The following PLEKHD1 variants were observed in gnomAD, a reference collection of about 807,000 sequenced individuals.
The protein encoded by PLEKHD1 is pleckstrin homology domain-containing family D member 1.
Under a neutral mutation model 69.2 loss-of-function variants are expected in PLEKHD1, and 51 were observed. The ratio of observed to expected loss-of-function variants is 0.74; its 90% CI spans 0.59 to 0.93. PLEKHD1 has a LOEUF of 0.93. Ranked by LOEUF, PLEKHD1 falls within the 40% of genes least tolerant of loss-of-function variation. PLEKHD1 has a pLI of 0.00. For missense variants in PLEKHD1, 584 were observed against 641.0 expected (o/e 0.91, Z 0.96); for synonymous variants, 236 against 244.7 (o/e 0.96, Z 0.33).
rs920962082 is a variant in PLEKHD1, at chr14:69,484,826, G to A, written c.-140G>A. ...CGTCCAGTGCCCAGCGCGCTTTGAT[G>A]CTGCAGCTCCGGGCCGGGCCGCTCT... On this transcript the variant is annotated 5_prime_UTR_variant, in exon 1 of 13. It removes an upstream start codon present in the reference 5' UTR. Transcript: ENST00000322564. The A allele has an allele frequency of 6.8e-6, 7 of 1,025,388 alleles. No individual in the cohort carries two copies. Among genetic ancestry groups the A allele is most frequent in the Admixed American group, 5.7e-5 (2 of 35,242 alleles). The allele number at this position is 1,025,388 out of a possible 1,614,324, so 63.5% of individuals were successfully genotyped here.
intron 6 of PLEKHD1, among the ~76,000 whole-genome samples, chr14:69,505,423 C>T (rs540816816): frequency 6.6e-6 from 1 of 152,308 alleles, no homozygotes; most frequent in African/African-American, 2.4e-5. Flanking sequence ...TGCCTTGAGC[C>T]GCTGAGGCAA....
intron 1 of PLEKHD1, among the ~76,000 whole-genome samples, chr14:69,491,491 C>A (rs1882775995): frequency 6.6e-6 from 1 of 152,136 alleles, no homozygotes; most frequent in Non-Finnish European, 1.5e-5. Flanking sequence ...CAGGATTTTC[C>A]CCAAATTCAA....
chr14:69,509,063 C>T (rs1030784684), intron 6 of PLEKHD1, among the ~76,000 whole-genome samples: 2 of 152,200 alleles, frequency 1.3e-5, no homozygotes, highest in South Asian at 2.1e-4. Context: ...TGGGGTCTTG[C>T]TCTGTTGCCC....
intron 7 of PLEKHD1, among the ~76,000 whole-genome samples, 176 bp downstream of exon 7, chr14:69,522,553 G>C (rs368404430): frequency 1.3e-5 from 2 of 152,202 alleles, no homozygotes; most frequent in East Asian, 3.9e-4. Flanking sequence ...AGTGTTCCCA[G>C]AAGAATCTGT....
At chr14:69,501,673 T>C (rs1883027132) in intron 4 of PLEKHD1, 61 bp from the exon 5 acceptor site, 3 of 1,318,434 alleles carry the variant, frequency 2.3e-6, no homozygotes, top group Non-Finnish European at 3.2e-6. Context: ...TACCCTTCTG[T>C]TTTAATGATT....
chr14:69,480,654 T>C (rs1212695927), upstream of PLEKHD1, among the ~76,000 whole-genome samples: 1 of 146,162 alleles, frequency 6.8e-6, no homozygotes, highest in Non-Finnish European at 1.5e-5. Context: ...GTATAAGATT[T>C]TTTTTTTTCT....
At chr14:69,491,889 G>C (rs1882784195) in intron 1 of PLEKHD1, among the ~76,000 whole-genome samples, 1 of 152,154 alleles carries the variant, frequency 6.6e-6, no homozygotes, top group Non-Finnish European at 1.5e-5. Flanking sequence ...CCCAGTTCCT[G>C]CTCACTCTGC....
At chr14:69,526,622 A>T in intron 9 of PLEKHD1, 75 bp from the exon 10 acceptor site, 4 of 1,420,998 alleles carry the variant, frequency 2.8e-6, no homozygotes, top group South Asian at 1.6e-5. Context: ...CCAGGTCTCT[A>T]AGAGGAGCTG....
At chr14:69,526,905 G>C (rs865779541) in intron 10 of PLEKHD1, 76 bp downstream of exon 10, 2 of 1,445,526 alleles carry the variant, frequency 1.4e-6, no homozygotes, top group Non-Finnish European at 1.8e-6. Context: ...ACTTTACCGG[G>C]TAGCTGCATG....
At chr14:69,484,644 A>C, upstream of PLEKHD1, 1 of 238,102 alleles carries the variant, frequency 4.2e-6, no homozygotes, top group Non-Finnish European at 8.1e-6. Flanking sequence ...GGCCACCAGA[A>C]TTGGGGCTGT....
At chr14:69,506,756 T>A (rs1161960947) in intron 6 of PLEKHD1, among the ~76,000 whole-genome samples, 2 of 152,150 alleles carry the variant, frequency 1.3e-5, no homozygotes, top group Non-Finnish European at 2.9e-5. Flanking sequence ...TACATTAGGG[T>A]TCACTCTTGG....
chr14:69,507,755 C>T (rs1449855020), intron 6 of PLEKHD1, among the ~76,000 whole-genome samples: 4 of 152,150 alleles, frequency 2.6e-5, no homozygotes, highest in African/African-American at 9.7e-5. Context: ...CTCTGTTGCC[C>T]AGACTGGAGT....
At chr14:69,485,252 G>T (rs1882630091) in intron 1 of PLEKHD1, 138 bp downstream of exon 1, 5 of 1,073,128 alleles carry the variant, frequency 4.7e-6, no homozygotes, top group South Asian at 1.6e-5. Flanking sequence ...CTCTACACTG[G>T]CTCCCGCAGG....
Position 69,501,388 on chromosome 14 carries a change from A to G in PLEKHD1, c.411-346A>G, listed in dbSNP as rs1883021327. On this transcript the variant is annotated intron_variant, in intron 4 of 12. Transcript: ENST00000322564. ...CTAGGTCATGCTTTTAGTTCCAAAA[A>G]CACCGACCGTGTGCTCTGTGGCAGG... 12 of 309,204 alleles carry G rather than the reference A, an allele frequency of 3.9e-5. No individual in the cohort carries two copies. The South Asian group carries it at 5.7e-4, about 15-fold the overall frequency. 19.2% of individuals were successfully genotyped at this position (309,204 alleles called of 1,614,324 possible). A position where few individuals can be genotyped will look rare whatever the true frequency, so the allele number is the denominator to read the frequency against.
At chr14:69,505,339 T>G (rs1883126838) in intron 6 of PLEKHD1, among the ~76,000 whole-genome samples, 1 of 152,204 alleles carries the variant, frequency 6.6e-6, no homozygotes, top group Non-Finnish European at 1.5e-5. Flanking sequence ...TCCTTAACTT[T>G]CTCATGCATA....
At chr14:69,502,941 GGGAATGA>G in intron 6 of PLEKHD1, 62 bp downstream of exon 6, 1 of 1,536,548 alleles carries the variant, frequency 6.5e-7, no homozygotes, top group Non-Finnish European at 8.8e-7. Flanking sequence ...TCTAGCACTA[GGGAATGA>G]TGCAGGGGAG....
the PLEKHD1 span, among the ~76,000 whole-genome samples, chr14:69,473,090 T>C: frequency 6.6e-6 from 1 of 152,142 alleles, no homozygotes; most frequent in African/African-American, 2.4e-5. Flanking sequence ...TGATTCTACA[T>C]TATGGTGAGT....
Position 69,527,850 on chromosome 14 carries a change from C to T in PLEKHD1, c.1269C>T (p.Ser423=), listed in dbSNP as rs72723867. The change falls in exon 12 of 13, where the codon TCC becomes TCT. Residue 423 remains serine (S), a synonymous_variant. Coordinates refer to ENST00000322564, the MANE Select transcript of PLEKHD1 (RefSeq NM_001161498.2). Reference sequence around the variant, plus strand: ...AGATGCCTGTGATCATGAAGAACTCCGTGTACATCCATAAGGCAGCCACTC... The same window carrying T: ...AGATGCCTGTGATCATGAAGAACTCTGTGTACATCCATAAGGCAGCCACTC... ...EAKMPVIMKN[S]VYIHKAATRR... is the part of the protein sequence containing the mutation. The T allele has an allele frequency of 7.2e-5, 112 of 1,551,464 alleles. No homozygotes were observed. The highest frequency in any genetic ancestry group is 3.0e-4 in the African/African-American group (22 of 73,170).
At chr14:69,501,070 G>C in intron 4 of PLEKHD1, 123 bp downstream of exon 4, 1 of 1,035,538 alleles carries the variant, frequency 9.7e-7, no homozygotes, top group Non-Finnish European at 1.4e-6. Flanking sequence ...GTGGGAGATG[G>C]CTAGGGTAGG....
Sources: gnomAD v4.1 joint callset for allele counts (sites outside exome capture counted in the v4.1 genomes callset) on GRCh38, gnomAD v4.1.1 for gene constraint, MANE v1.5 for transcripts, NCBI Gene and HGNC (gene_info 2026-07-23, HGNC 2026-07-21) for gene names.